FHIT: variants seen among roughly 807,000 people sequenced by gnomAD.
The protein encoded by FHIT is fragile histidine triad diadenosine triphosphatase.
A neutral mutation model predicts 17.9 loss-of-function variants in FHIT; 19 were observed. That is an observed-to-expected ratio of 1.06 (90% CI 0.74 to 1.56). The LOEUF is 1.56. Ranked by LOEUF, FHIT falls within the 40% of genes most tolerant of loss-of-function variation. The probability of loss-of-function intolerance (pLI) is 0.00; values close to 1 mark genes in which losing one functional copy is unlikely to be tolerated. For synonymous variants in FHIT, 81 were observed against 69.7 expected (o/e 1.16, Z -0.81); for missense variants, 248 against 189.2 (o/e 1.31, Z -1.82).
intron 2 of FHIT, among the ~76,000 whole-genome samples, chr3:61,142,122 A>T (rs77013050): frequency 0.14 from 21,424 of 149,590 alleles, 2,356 homozygotes; most frequent in East Asian, 0.43. Context: ...CTTAAAAAAA[A>T]TTTTTTTTTT....
intron 3 of FHIT, among the ~76,000 whole-genome samples, chr3:60,828,640 A>T (rs1329637547): frequency 2.6e-5 from 4 of 152,120 alleles, no homozygotes; most frequent in Admixed American, 6.6e-5. Flanking sequence ...GCACGTTGGG[A>T]GGTGAGGTGA....
At chr3:60,127,584 A>G (rs1349678196) in intron 5 of FHIT, among the ~76,000 whole-genome samples, 2 of 152,136 alleles carry the variant, frequency 1.3e-5, no homozygotes, top group Non-Finnish European at 2.9e-5. Context: ...TGCTTAAATA[A>G]GAACATTTTA....
chr3:60,461,399 A>G (rs2107411563), intron 5 of FHIT, among the ~76,000 whole-genome samples: 1 of 152,312 alleles, frequency 6.6e-6, no homozygotes, highest in East Asian at 1.9e-4. Flanking sequence ...CCCTAGAGAC[A>G]TTCCCATACT....
chr3:60,970,763 G>C (rs1346029236), intron 3 of FHIT, among the ~76,000 whole-genome samples: 1 of 151,920 alleles, frequency 6.6e-6, no homozygotes, highest in Non-Finnish European at 1.5e-5. Flanking sequence ...ATTGTTTGTT[G>C]CCTTTATTTT....
At chr3:60,680,272 C>T (rs1419641223) in intron 4 of FHIT, among the ~76,000 whole-genome samples, 2 of 152,130 alleles carry the variant, frequency 1.3e-5, no homozygotes, top group Non-Finnish European at 2.9e-5. Flanking sequence ...CTATACTGTG[C>T]TGATTTTAGA....
At chr3:60,995,479 G>A (rs2030604055) in intron 3 of FHIT, among the ~76,000 whole-genome samples, 2 of 152,168 alleles carry the variant, frequency 1.3e-5, no homozygotes, top group African/African-American at 4.8e-5. Context: ...TGAAGAGGGA[G>A]ATTTACCTCT....
chr3:61,029,244 A>G (rs2032888707), intron 3 of FHIT, among the ~76,000 whole-genome samples: 2 of 152,202 alleles, frequency 1.3e-5, no homozygotes, highest in Admixed American at 6.5e-5. Flanking sequence ...CCTAAAATTG[A>G]TCTGTACCAA....
At chr3:60,882,474 T>C (rs1163892963) in intron 3 of FHIT, among the ~76,000 whole-genome samples, 7 of 152,068 alleles carry the variant, frequency 4.6e-5, no homozygotes, top group Non-Finnish European at 1.0e-4. Flanking sequence ...CTCAACAAAA[T>C]ACTAGCAAGT....
chr3:59,965,142 A>G (rs897975947), intron 7 of FHIT, among the ~76,000 whole-genome samples: 1 of 152,180 alleles, frequency 6.6e-6, no homozygotes, highest in Non-Finnish European at 1.5e-5. Flanking sequence ...AACAATGGTT[A>G]TATTATGACA....
intron 4 of FHIT, among the ~76,000 whole-genome samples, chr3:60,544,431 T>C (rs561270275): frequency 2.0e-4 from 30 of 152,216 alleles, no homozygotes; most frequent in African/African-American, 7.2e-4. Context: ...GTGCCATTAA[T>C]GTGGCAAACT....
chr3:60,835,777 C>T lies in FHIT; in HGVS notation c.-110-13766G>A, dbSNP rs533072619. Among the ~76,000 whole-genome samples, 8 of 152,226 alleles carry T rather than the reference C, an allele frequency of 5.3e-5. No homozygotes were observed. The South Asian group carries it at 1.7e-3, about 32-fold the overall frequency. On this transcript the variant is annotated intron_variant, in intron 3 of 9. Coordinates refer to ENST00000492590, the MANE Select transcript of FHIT (RefSeq NM_002012.4). ...GGATGACAGGCATACACCACCAGGC[C>T]TGGTTCATTTGTTGTTGTTGAGGAG...
At chr3:61,037,660 G>A (rs1404595876) in intron 3 of FHIT, among the ~76,000 whole-genome samples, 1 of 152,196 alleles carries the variant, frequency 6.6e-6, no homozygotes, top group Non-Finnish European at 1.5e-5. Context: ...TGTTATCAGA[G>A]AAGTGGGTTA....
chr3:60,386,544 C>T (rs999066785), intron 5 of FHIT, among the ~76,000 whole-genome samples: 1 of 152,054 alleles, frequency 6.6e-6, no homozygotes, highest in African/African-American at 2.4e-5. Flanking sequence ...TCATATATAC[C>T]CAGAGGACAA....
chr3:61,041,948 A>T (rs761548163), intron 3 of FHIT, 99 bp downstream of exon 3: 1 of 152,208 alleles, frequency 6.6e-6, no homozygotes, highest in Non-Finnish European at 1.5e-5. Context: ...CTCCTTCTAA[A>T]TATTTATTAT....
intron 4 of FHIT, chr3:60,617,046 C>T: frequency 4.8e-6 from 1 of 209,134 alleles, no homozygotes; most frequent in Non-Finnish European, 1.0e-5. Context: ...GAAGTGGATA[C>T]TGACATGGCA....
intron 7 of FHIT, 130 bp downstream of exon 7, chr3:60,011,241 C>T: frequency 1.3e-6 from 1 of 793,166 alleles, no homozygotes; most frequent in Middle Eastern, 2.3e-4. Context: ...ACGGCTCTAA[C>T]ACTGAGGGTC....
rs374869146 is a variant in FHIT at position 60,860,586 on chromosome 3, AT to A, written c.-110-38576del. On this transcript the variant is annotated intron_variant, in intron 3 of 9. Transcript: ENST00000492590. ...TATCAGGTATATATGATACATATGT[AT>A]CATATATCAGGTATATATGATACAT... 8.9e-3 allele frequency among the ~76,000 whole-genome samples: 179 copies of A among 20,040 alleles called. 18 individuals carry two copies. Among genetic ancestry groups the A allele is most frequent in the African/African-American group, 0.014 (141 of 10,154 alleles). 13.1% of individuals were successfully genotyped at this position (20,040 alleles called of 152,430 possible).
At chr3:60,227,128 C>T (rs1296474749) in intron 5 of FHIT, among the ~76,000 whole-genome samples, 1 of 152,124 alleles carries the variant, frequency 6.6e-6, no homozygotes. Flanking sequence ...CATAACCTAA[C>T]ACCTGTTAGA....
At chr3:60,906,433 C>G (rs1553764562) in intron 3 of FHIT, among the ~76,000 whole-genome samples, 5 of 152,210 alleles carry the variant, frequency 3.3e-5, no homozygotes, top group African/African-American at 9.7e-5. Context: ...TCTAATCTAT[C>G]TAATCTACCT....
Sources: gnomAD v4.1 joint callset for allele counts (sites outside exome capture counted in the v4.1 genomes callset) on GRCh38, gnomAD v4.1.1 for gene constraint, MANE v1.5 for transcripts, NCBI Gene and HGNC (gene_info 2026-07-23, HGNC 2026-07-21) for gene names.